The following EIF2AK1 variants were observed in gnomAD, a reference collection of about 807,000 sequenced individuals.
EIF2AK1 encodes eukaryotic translation initiation factor 2 alpha kinase 1.
EIF2AK1 carries 54 observed loss-of-function variants against 77.9 expected under a neutral mutation model. That is an observed-to-expected ratio of 0.69 (90% CI 0.56 to 0.87). The LOEUF (loss-of-function observed/expected upper bound fraction) is 0.87. EIF2AK1 is among the 40% of genes least tolerant of loss of function. The probability of loss-of-function intolerance (pLI) is 0.00; values close to 1 mark genes in which losing one functional copy is unlikely to be tolerated. For missense variants in EIF2AK1, 810 were observed against 768.6 expected (o/e 1.05, Z -0.64); for synonymous variants, 314 against 290.5 (o/e 1.08, Z -0.82).
rs747584479 is a variant in EIF2AK1, at chr7:6,041,048, C to T, written c.963G>A (p.Ser321=). ...AGCCATTTTCCTGGAGCTCCAGGGTCGACTCAAGTTCACCAGATTCTCTTA... is the reference window on the plus strand; with the variant it reads ...AGCCATTTTCCTGGAGCTCCAGGGTTGACTCAAGTTCACCAGATTCTCTTA... ...LVIRESGELE[S]TLELQENGLA... is the part of the protein sequence containing the mutation. Residue 321 remains serine (S), a synonymous_variant, in exon 9 of 15, where the codon TCG becomes TCA. Transcript: ENST00000199389. The T allele has an allele frequency of 6.2e-6, 10 of 1,613,952 alleles. No individual in the cohort carries two copies. The highest frequency in any genetic ancestry group is 4.5e-5 in the East Asian group (2 of 44,896).
chr7:6,058,015 T>C (rs1451937772), intron 1 of EIF2AK1: 5 of 382,964 alleles, frequency 1.3e-5, no homozygotes, highest in African/African-American at 8.5e-5. Context: ...TTCATCAAAA[T>C]TGTGGACTCT....
rs917857816 is a variant in EIF2AK1 at position 6,027,281 on chromosome 7, C to T, written c.1531-320G>A. The stretch of plus-strand genomic sequence containing the variant: ...TGACCCAGGCAATGATGTGAGCTCA[C>T]GCCTGCTAGTGTCAGCTGCGGGGGA... On this transcript the variant is annotated intron_variant, in intron 13 of 14. Transcript: ENST00000199389. This position sits in a 1 kb window ranked among gnomAD's most constrained non-coding sequence, Gnocchi z 4.5. 2.0e-4 allele frequency among the ~76,000 whole-genome samples: 30 copies of T among 152,346 alleles called. No homozygotes were observed. In the Middle Eastern group the frequency reaches 0.01, roughly 52 times the overall value.
At chr7:6,038,476 A>C (rs574538708) in intron 10 of EIF2AK1, 84 bp downstream of exon 10, 1 of 892,466 alleles carries the variant, frequency 1.1e-6, no homozygotes, top group Non-Finnish European at 1.7e-6. Flanking sequence ...AATGAAAAAA[A>C]GCACCTGGAG....
intron 1 of EIF2AK1, among the ~76,000 whole-genome samples, chr7:6,056,613 A>AAAAAAAAAAT: frequency 2.3e-5 from 1 of 43,730 alleles, no homozygotes; most frequent in African/African-American, 8.2e-5. Flanking sequence ...AAAAAAAAAA[A>AAAAAAAAAAT]ATATATATAT....
At chr7:6,044,345 C>G (rs1284726514) in intron 7 of EIF2AK1, among the ~76,000 whole-genome samples, 1 of 151,656 alleles carries the variant, frequency 6.6e-6, no homozygotes, top group African/African-American at 2.4e-5. Context: ...GTGGCGGGCA[C>G]CTGTAGCCCC....
intron 11 of EIF2AK1, among the ~76,000 whole-genome samples, chr7:6,029,765 C>T (rs1787850537): frequency 6.6e-6 from 1 of 152,030 alleles, no homozygotes; most frequent in Non-Finnish European, 1.5e-5. Flanking sequence ...GGCAAATCGC[C>T]TGAGGTCAGG....
Position 6,032,634 on chromosome 7 carries a change from AAC to A in EIF2AK1, c.1333-3604_1333-3603del, listed in dbSNP as rs578107239. ...CCTCAGTAAATGTGCATTTCTGTGA[AAC>A]ACAGATTTTATAGGATGGAATTCAC... On this transcript the variant is annotated intron_variant, in intron 11 of 14. Transcript: ENST00000199389. This position sits in a 1 kb window ranked among gnomAD's most constrained non-coding sequence, Gnocchi z 4.3. Among the ~76,000 whole-genome samples, 9 of 152,246 alleles carry A rather than the reference AAC, an allele frequency of 5.9e-5. No individual in the cohort carries two copies. The highest frequency in any genetic ancestry group is 1.0e-4 in the Non-Finnish European group (7 of 68,046).
In EIF2AK1 at chr7:6,027,787, C is replaced by G. The variant is rs972366280; in HGVS notation, c.1531-826G>C. ...AGCTCATTTCAAAATCGATTTAGGCCAGGCGCAGAGGTTCATGCCTTAATC... is the reference window on the plus strand; with the variant it reads ...AGCTCATTTCAAAATCGATTTAGGCGAGGCGCAGAGGTTCATGCCTTAATC... On this transcript the variant is annotated intron_variant, in intron 13 of 14. Coordinates refer to ENST00000199389, the MANE Select transcript of EIF2AK1 (RefSeq NM_014413.4). This position sits in a 1 kb window ranked among gnomAD's most constrained non-coding sequence, Gnocchi z 4.5. The G allele has an allele frequency of 7.9e-6, 2 of 254,190 alleles. No individual in the cohort carries two copies. The highest frequency in any genetic ancestry group is 4.7e-5 in the African/African-American group (2 of 42,616). 15.7% of individuals were successfully genotyped at this position (254,190 alleles called of 1,614,324 possible).
In EIF2AK1 at chr7:6,049,994, C is replaced by G. The variant is rs765118281; in HGVS notation, c.329G>C (p.Ser110Thr). ...KMGLLSSFTC[S>T]DEFSSLRLHH... is the part of the protein sequence containing the mutation. ...TAGTCTCAATGAGCTAAACTCGTCACTACAAGTGAAAGAAGACAGCAGCCC... is the reference window on the plus strand; with the variant it reads ...TAGTCTCAATGAGCTAAACTCGTCAGTACAAGTGAAAGAAGACAGCAGCCC... Residue 110 changes from serine (S) to threonine (T), a missense_variant, in exon 3 of 15, where the codon AGT (serine) becomes ACT (threonine). This residue lies in a region of EIF2AK1 where 246 missense variants were observed against 199.0 expected (regional missense o/e 1.24). Transcript: ENST00000199389. The G allele has an allele frequency of 7.4e-6, 12 of 1,613,120 alleles. No individual in the cohort carries two copies. Among genetic ancestry groups the G allele is most frequent in the Non-Finnish European group, 1.0e-5 (12 of 1,179,574 alleles).
chr7:6,041,099 C>T lies in EIF2AK1; in HGVS notation c.912G>A (p.Ser304=), dbSNP rs745565399. Residue 304 remains serine (S), a synonymous_variant, in exon 9 of 15, where the codon TCG becomes TCA. Transcript: ENST00000199389. ...TGACTAAATTGGTGGTGTACTTCAC[C>T]GACTTGTTATTCTGATTTTCAGTGT... ...ESDTENQNNK[S]VKYTTNLVIR... 1.2e-5 allele frequency: 20 copies of T among 1,613,848 alleles called. No homozygotes were observed. The highest frequency in any genetic ancestry group is 4.5e-5 in the East Asian group (2 of 44,888).
intron 9 of EIF2AK1, among the ~76,000 whole-genome samples, chr7:6,039,374 C>A (rs746936934): frequency 2.0e-4 from 30 of 152,030 alleles, no homozygotes; most frequent in Non-Finnish European, 1.2e-4. Flanking sequence ...GTAATCCCAG[C>A]ATCTTGGAAG....
At position 6,059,170 on chromosome 7, in the gene EIF2AK1, G is replaced by A. The variant is rs1213179584; in HGVS notation, c.-87C>T. The A allele has an allele frequency of 3.6e-5, 32 of 898,822 alleles. No homozygotes were observed. Among genetic ancestry groups the A allele is most frequent in the East Asian group, 1.0e-4 (3 of 29,616 alleles). 55.7% of individuals were successfully genotyped at this position (898,822 alleles called of 1,614,324 possible). On this transcript the variant is annotated 5_prime_UTR_variant, in exon 1 of 15. Transcript: ENST00000199389. ...TGCTGCAGCTAGCGCCGTCCGACCC[G>A]GAAGTAACCCCTCACCAGACGGAAA...
intron 11 of EIF2AK1, among the ~76,000 whole-genome samples, chr7:6,029,370 G>A (rs1295196639): frequency 6.6e-6 from 1 of 152,014 alleles, no homozygotes; most frequent in Non-Finnish European, 1.5e-5. Context: ...GCACGTGCCT[G>A]TAATCCCTGC....
chr7:6,059,125 C>A lies in EIF2AK1; in HGVS notation c.-42G>T, dbSNP rs1365711346. 7.9e-6 allele frequency: 10 copies of A among 1,259,190 alleles called. No homozygotes were observed. Among genetic ancestry groups the A allele is most frequent in the Non-Finnish European group, 1.0e-5 (10 of 973,152 alleles). The allele number at this position is 1,259,190 out of a possible 1,614,324, so 78.0% of individuals were successfully genotyped here. On this transcript the variant is annotated 5_prime_UTR_variant, in exon 1 of 15. Coordinates refer to ENST00000199389, the MANE Select transcript of EIF2AK1 (RefSeq NM_014413.4). ...GCCGCAGCCCAGCCCGCCGGCCAGC[C>A]CAGCACTGCCACACTCCGATGCTGC...
At chr7:6,054,416 C>T in intron 2 of EIF2AK1, 130 bp downstream of exon 2, 1 of 972,482 alleles carries the variant, frequency 1.0e-6, no homozygotes, top group East Asian at 2.6e-5. Context: ...GTTAGCCAAA[C>T]CGATCTCGAT....
At chr7:6,042,878 C>G in intron 8 of EIF2AK1, 55 bp downstream of exon 8, 1 of 1,508,578 alleles carries the variant, frequency 6.6e-7, no homozygotes, top group South Asian at 1.1e-5. Flanking sequence ...AAAAAAAGAA[C>G]AAAAGCCCAA....
rs1452009186 is a variant in EIF2AK1 at position 6,032,089 on chromosome 7, G to C, written c.1333-3057C>G. 6.6e-6 allele frequency among the ~76,000 whole-genome samples: 1 copy of C among 152,120 alleles called. No homozygotes were observed. The highest frequency in any genetic ancestry group is 1.5e-5 in the Non-Finnish European group (1 of 68,024). On this transcript the variant is annotated intron_variant, in intron 11 of 14. Transcript: ENST00000199389. This position sits in a 1 kb window ranked among gnomAD's most constrained non-coding sequence, Gnocchi z 4.3. ...CTCGGACGGCTGAGGCAGGAGAATT[G>C]CTTGAACCCAGGAGGCAGAGGTTGC...
chr7:6,030,992 ATAACT>A (rs1478128411), intron 11 of EIF2AK1, among the ~76,000 whole-genome samples: 10 of 152,328 alleles, frequency 6.6e-5, no homozygotes, highest in South Asian at 6.2e-4. Flanking sequence ...AAACTAAAAA[ATAACT>A]TAAGGTTAAA....
intron 4 of EIF2AK1, among the ~76,000 whole-genome samples, chr7:6,048,174 C>T (rs1248681149): frequency 6.6e-6 from 1 of 152,122 alleles, no homozygotes; most frequent in East Asian, 1.9e-4. Flanking sequence ...ACCATCACTG[C>T]TACCTAATTT....
Sources: gnomAD v4.1 joint callset for allele counts (sites outside exome capture counted in the v4.1 genomes callset) on GRCh38, gnomAD v4.1.1 for gene constraint, gnomAD v4.1.1 regional missense constraint, Gnocchi (gnomAD v3.1) non-coding constraint, MANE v1.5 for transcripts, NCBI Gene and HGNC (gene_info 2026-07-23, HGNC 2026-07-21) for gene names.